Variants in DSCAML1 observed in about 807,000 individuals in gnomAD.
DSCAML1 encodes the protein cell adhesion molecule DSCAML1.
In DSCAML1, 38 loss-of-function variants were observed where a neutral mutation model predicts 200.5. The observed-to-expected ratio is 0.19, with a 90% CI of 0.15 to 0.25. The LOEUF (loss-of-function observed/expected upper bound fraction) is 0.25, where lower values mean the gene tolerates loss of function less well. Among genes scored for constraint, DSCAML1 ranks in the 10% least tolerant of loss-of-function variants. DSCAML1 has a pLI of 1.00. For missense variants in DSCAML1, 2,223 were observed against 2,858.8 expected (o/e 0.78, Z 5.07); for synonymous variants, 1,215 against 1,165.0 (o/e 1.04, Z -0.87).
intron 3 of DSCAML1, among the ~76,000 whole-genome samples, chr11:117,672,568 C>T (rs531148477): frequency 2.0e-5 from 3 of 152,320 alleles, no homozygotes; most frequent in African/African-American, 4.8e-5. Flanking sequence ...TTCCCAGCGA[C>T]GCAATCACAG....
At chr11:117,732,902 CA>C (rs1321898618) in intron 3 of DSCAML1, among the ~76,000 whole-genome samples, 1 of 151,066 alleles carries the variant, frequency 6.6e-6, no homozygotes, top group African/African-American at 2.4e-5. Flanking sequence ...ATGATAATAA[CA>C]AAAAAAAATT....
intron 4 of DSCAML1, 33 bp downstream of exon 4, chr11:117,532,343 C>A (rs764675599): frequency 6.2e-7 from 1 of 1,601,410 alleles, no homozygotes; most frequent in South Asian, 1.1e-5. Context: ...CCCTTCCCAG[C>A]CTGCCCCGTT....
At chr11:117,777,914 C>A (rs1235627584) in intron 2 of DSCAML1, among the ~76,000 whole-genome samples, 1 of 152,200 alleles carries the variant, frequency 6.6e-6, no homozygotes, top group Non-Finnish European at 1.5e-5. Flanking sequence ...ATCTGCCAAG[C>A]AAAGCTGGAA....
intron 11 of DSCAML1, among the ~76,000 whole-genome samples, chr11:117,499,747 CAG>C (rs2049360239): frequency 6.6e-6 from 1 of 152,220 alleles, no homozygotes; most frequent in African/African-American, 2.4e-5. Context: ...CACCAAGACT[CAG>C]GGAGGAGTGG....
At chr11:117,444,893 T>G (rs1335634366) in intron 20 of DSCAML1, among the ~76,000 whole-genome samples, 1 of 152,114 alleles carries the variant, frequency 6.6e-6, no homozygotes, top group Admixed American at 6.5e-5. Flanking sequence ...TTTATTTTAT[T>G]TTTTGGTCAG....
At chr11:117,545,098 C>T (rs574575978) in intron 3 of DSCAML1, among the ~76,000 whole-genome samples, 55 of 152,126 alleles carry the variant, frequency 3.6e-4, no homozygotes, top group African/African-American at 1.1e-3. Context: ...GGCGTGGTGG[C>T]GGGCGCCTGT....
chr11:117,570,994 G>C (rs977575299), intron 3 of DSCAML1, among the ~76,000 whole-genome samples: 1 of 152,250 alleles, frequency 6.6e-6, no homozygotes, highest in Non-Finnish European at 1.5e-5. Flanking sequence ...TAGATGCTAA[G>C]CTTTATAGAT....
intron 3 of DSCAML1, among the ~76,000 whole-genome samples, chr11:117,731,153 C>A (rs1818976703): frequency 3.9e-5 from 6 of 152,006 alleles, no homozygotes; most frequent in Admixed American, 3.9e-4. Context: ...GTATGTGAAT[C>A]TCAATAAAGC....
At chr11:117,713,362 C>T (rs537003400) in intron 3 of DSCAML1, among the ~76,000 whole-genome samples, 2 of 152,282 alleles carry the variant, frequency 1.3e-5, no homozygotes, top group Admixed American at 6.5e-5. Flanking sequence ...GTAATCCACC[C>T]GCCTTGACCT....
intron 7 of DSCAML1, among the ~76,000 whole-genome samples, chr11:117,517,021 T>G (rs569009597): frequency 1.3e-5 from 2 of 152,270 alleles, no homozygotes; most frequent in African/African-American, 4.8e-5. Flanking sequence ...GCCATTCCCC[T>G]CGTGGGACAG....
At chr11:117,595,680 C>T (rs2051351198) in intron 3 of DSCAML1, among the ~76,000 whole-genome samples, 1 of 152,162 alleles carries the variant, frequency 6.6e-6, no homozygotes, top group African/African-American at 2.4e-5. Context: ...CAGTAACTTA[C>T]ATCACAGTCA....
chr11:117,526,503 A>G (rs1402035438), intron 4 of DSCAML1, among the ~76,000 whole-genome samples: 2 of 150,936 alleles, frequency 1.3e-5, no homozygotes, highest in African/African-American at 4.9e-5. Context: ...TTTTCAAAGA[A>G]CTCCCTGCTA....
intron 3 of DSCAML1, among the ~76,000 whole-genome samples, chr11:117,608,884 T>C (rs2051627978): frequency 2.7e-5 from 1 of 36,448 alleles, no homozygotes; most frequent in Non-Finnish European, 6.0e-5. Flanking sequence ...ATCTGCCAAA[T>C]TGGCCGGGCA....
intron 20 of DSCAML1, among the ~76,000 whole-genome samples, chr11:117,445,656 T>C (rs1372664684): frequency 1.3e-5 from 2 of 152,192 alleles, no homozygotes; most frequent in African/African-American, 4.8e-5. Flanking sequence ...TTGTTTTTGG[T>C]GACAGTACAG....
chr11:117,752,515 C>A (rs2054621224), intron 3 of DSCAML1, among the ~76,000 whole-genome samples: 1 of 152,148 alleles, frequency 6.6e-6, no homozygotes, highest in South Asian at 2.1e-4. Context: ...CAGGCCAGTG[C>A]ACTTTGCAGA....
rs150690343 is a variant in DSCAML1, at chr11:117,698,960, G to A, written c.511+77831C>T. 2.3e-3 allele frequency among the ~76,000 whole-genome samples: 352 copies of A among 152,238 alleles called. 3 individuals are homozygous for A. Among genetic ancestry groups the A allele is most frequent in the African/African-American group, 8.1e-3 (336 of 41,526 alleles). ...ACTTACGCACAACACCGTACTCTAG[G>A]GCTACGGCACTGCAAACCTCTGTGA... On this transcript the variant is annotated intron_variant, in intron 3 of 32. Transcript: ENST00000651296.
At chr11:117,656,591 A>G (rs1368358383) in intron 3 of DSCAML1, among the ~76,000 whole-genome samples, 1 of 151,956 alleles carries the variant, frequency 6.6e-6, no homozygotes, top group Non-Finnish European at 1.5e-5. Context: ...ACTGCCTAGT[A>G]AGGTAGACAT....
intron 3 of DSCAML1, among the ~76,000 whole-genome samples, chr11:117,705,819 C>T (rs2053749754): frequency 6.6e-6 from 1 of 152,202 alleles, no homozygotes; most frequent in Non-Finnish European, 1.5e-5. Context: ...GTGTGCTAGG[C>T]TGGGAAGTGT....
chr11:117,581,710 C>T (rs1208021263), intron 3 of DSCAML1, among the ~76,000 whole-genome samples: 3 of 152,176 alleles, frequency 2.0e-5, no homozygotes, highest in South Asian at 2.1e-4. Flanking sequence ...TTATTATCCC[C>T]GTTTTATAGA....
Sources: gnomAD v4.1 joint callset for allele counts (sites outside exome capture counted in the v4.1 genomes callset) on GRCh38, gnomAD v4.1.1 for gene constraint, MANE v1.5 for transcripts, NCBI Gene and HGNC (gene_info 2026-07-23, HGNC 2026-07-21) for gene names.